Variants in SIK3 observed in about 807,000 individuals in gnomAD.
The protein encoded by SIK3 is serine/threonine-protein kinase SIK3.
Under a neutral mutation model 144.2 loss-of-function variants are expected in SIK3, and 28 were observed. That is an observed-to-expected ratio of 0.19 (90% confidence interval 0.14 to 0.27). The LOEUF (loss-of-function observed/expected upper bound fraction) is 0.27. SIK3 is among the 10% of genes least tolerant of loss of function. The pLI is 1.00. For synonymous variants in SIK3, 686 were observed against 676.3 expected, an observed-to-expected ratio of 1.01 and a Z score of -0.22; for missense variants, 1,319 against 1,776.0, an observed-to-expected ratio of 0.74 and a Z score of 4.62.
At chr11:116,863,579 A>C in intron 16 of SIK3, 89 bp downstream of exon 16, 1 of 1,559,986 alleles carries the variant, frequency 6.4e-7, no homozygotes, top group Non-Finnish European at 8.8e-7. Flanking sequence ...GCTGACATAA[A>C]AGGGGTACGT....
intron 1 of SIK3, among the ~76,000 whole-genome samples, chr11:116,967,392 T>C (rs986284092): frequency 6.6e-6 from 1 of 152,236 alleles, no homozygotes; most frequent in African/African-American, 2.4e-5. Context: ...ATTTATTATA[T>C]TGGGTATCTT....
In SIK3 at chr11:116,897,178, A is replaced by C; in HGVS notation, c.741+15T>G. 1 of 1,613,068 alleles carries C rather than the reference A, an allele frequency of 6.2e-7. No individual in the cohort carries two copies. The highest frequency in any genetic ancestry group is 1.1e-5 in the South Asian group (1 of 90,860). On this transcript the variant is annotated intron_variant, in intron 5 of 24. Transcript: ENST00000445177. ...TAGCTAATGCTGTGGGGTATAAGAGAAGGCAGTTACTTACCCAGATGTCCA... is the reference window on the plus strand; with the variant it reads ...TAGCTAATGCTGTGGGGTATAAGAGCAGGCAGTTACTTACCCAGATGTCCA...
At chr11:117,042,866 C>G (rs1180120513) in intron 1 of SIK3, among the ~76,000 whole-genome samples, 2 of 152,150 alleles carry the variant, frequency 1.3e-5, no homozygotes, top group Non-Finnish European at 2.9e-5. Flanking sequence ...TAGTAGCCGC[C>G]AAATTCTATA....
intron 1 of SIK3, among the ~76,000 whole-genome samples, chr11:117,057,526 G>A (rs1045111058): frequency 2.0e-5 from 3 of 152,166 alleles, no homozygotes; most frequent in Non-Finnish European, 4.4e-5. Flanking sequence ...CTCGGTCACA[G>A]ACTACTCCAT....
chr11:116,986,058 C>CA (rs1052828632), intron 1 of SIK3, among the ~76,000 whole-genome samples: 6 of 151,582 alleles, frequency 4.0e-5, no homozygotes, highest in East Asian at 1.9e-4. Context: ...ATTCTGGTGG[C>CA]AAAAAAAAGT....
At chr11:117,091,183 C>T (rs1300263704) in intron 1 of SIK3, among the ~76,000 whole-genome samples, 1 of 149,250 alleles carries the variant, frequency 6.7e-6, no homozygotes, top group East Asian at 1.9e-4. Context: ...TCCGTAAAAT[C>T]CTGAGGTTTT....
intron 4 of SIK3, among the ~76,000 whole-genome samples, chr11:116,903,285 A>G (rs1945832527): frequency 6.6e-6 from 1 of 152,228 alleles, no homozygotes; most frequent in South Asian, 2.1e-4. Flanking sequence ...ACTGGAAAGA[A>G]AAATACAGTT....
intron 4 of SIK3, among the ~76,000 whole-genome samples, chr11:116,926,476 C>G (rs1054326424): frequency 1.3e-5 from 2 of 152,166 alleles, no homozygotes; most frequent in African/African-American, 4.8e-5. Flanking sequence ...CTATAAGCCA[C>G]TCTAAGATCT....
In SIK3 at chr11:116,846,841, C is replaced by G. The variant is rs1480287981; in HGVS notation, c.3953-288G>C. On this transcript the variant is annotated intron_variant, in intron 23 of 24. Transcript: ENST00000445177. The surrounding 1 kb of genome is among the most constrained non-coding windows in gnomAD (Gnocchi z 4.1). Reference sequence around the variant, plus strand: ...GTAGTGTGAGAGAAGATAGAGGACTCCTTCAGAAAGGATCACCTCTTAAAG... The same window carrying G: ...GTAGTGTGAGAGAAGATAGAGGACTGCTTCAGAAAGGATCACCTCTTAAAG... Among the ~76,000 whole-genome samples, 1 of 152,190 alleles carries G rather than the reference C, an allele frequency of 6.6e-6. No homozygotes were observed. The highest frequency in any genetic ancestry group is 2.4e-5 in the African/African-American group (1 of 41,438).
chr11:116,847,120 C>T (rs530644326), intron 23 of SIK3, among the ~76,000 whole-genome samples: 15 of 152,320 alleles, frequency 9.8e-5, no homozygotes, highest in Non-Finnish European at 2.1e-4. Flanking sequence ...CCAAGGCCTA[C>T]GCCTATTATT....
chr11:117,096,251 A>G (rs1955466367), intron 1 of SIK3, among the ~76,000 whole-genome samples: 1 of 152,212 alleles, frequency 6.6e-6, no homozygotes, highest in South Asian at 2.1e-4. Context: ...ATTTTGGTGT[A>G]TCCAAGGGCT....
rs765063712 is a variant in SIK3 at position 116,867,875 on chromosome 11, T to C, written c.1952+71A>G. 8.5e-6 allele frequency: 12 copies of C among 1,409,956 alleles called. No homozygotes were observed. Among genetic ancestry groups the C allele is most frequent in the South Asian group, 7.5e-5 (5 of 66,696 alleles). The allele number at this position is 1,409,956 out of a possible 1,614,324, so 87.3% of individuals were successfully genotyped here. On this transcript the variant is annotated intron_variant, in intron 15 of 24. Transcript: ENST00000445177. This position sits in a 1 kb window ranked among gnomAD's most constrained non-coding sequence, Gnocchi z 4.1. ...AAGCCACGATGCTAGTCACCGTCGC[T>C]GTGAGACTAATCAGAAGGGTGCCTG...
At chr11:117,062,449 G>C (rs1953837597) in intron 1 of SIK3, among the ~76,000 whole-genome samples, 1 of 152,062 alleles carries the variant, frequency 6.6e-6, no homozygotes, top group South Asian at 2.1e-4. Context: ...TTCCAGTTTA[G>C]TTTCAACAAT....
At position 117,042,963 on chromosome 11, in the gene SIK3, C is replaced by T. The variant is rs1440303205; in HGVS notation, c.273+55180G>A. 3.3e-5 allele frequency among the ~76,000 whole-genome samples: 5 copies of T among 152,186 alleles called. No individual in the cohort carries two copies. In the East Asian group the frequency reaches 9.6e-4, roughly 29 times the overall value. Reference sequence around the variant, plus strand: ...ATTATGTATTGTGCAACAATGATATCTGTTGAACCAATAAAATCAAAAGCT... The same window carrying T: ...ATTATGTATTGTGCAACAATGATATTTGTTGAACCAATAAAATCAAAAGCT... On this transcript the variant is annotated intron_variant, in intron 1 of 24. Transcript: ENST00000445177.
At chr11:116,970,218 A>C (rs1056287303) in intron 1 of SIK3, among the ~76,000 whole-genome samples, 1 of 152,192 alleles carries the variant, frequency 6.6e-6, no homozygotes, top group Non-Finnish European at 1.5e-5. Flanking sequence ...TCAAGGCTGC[A>C]GTGAGTTGTG....
At chr11:117,044,831 T>C (rs1952889336) in intron 1 of SIK3, among the ~76,000 whole-genome samples, 1 of 152,062 alleles carries the variant, frequency 6.6e-6, no homozygotes, top group African/African-American at 2.4e-5. Context: ...TGCAGTGAGC[T>C]AGGATTGCGT....
At chr11:117,067,847 C>T (rs942468051) in intron 1 of SIK3, among the ~76,000 whole-genome samples, 2 of 151,950 alleles carry the variant, frequency 1.3e-5, no homozygotes, top group African/African-American at 4.8e-5. Context: ...ATTAGCTGGG[C>T]ATGGTGACAG....
chr11:116,965,755 A>AACATGGTGAAAACCCGTCTCTGC (rs1949511993), intron 1 of SIK3, among the ~76,000 whole-genome samples: 3 of 12,176 alleles, frequency 2.5e-4, no homozygotes, highest in African/African-American at 5.8e-4. Flanking sequence ...ATATATATAT[A>AACATGGTGAAAACCCGTCTCTGC]TATATATATA....
intron 1 of SIK3, among the ~76,000 whole-genome samples, chr11:117,040,862 C>A (rs925659564): frequency 6.6e-6 from 1 of 150,930 alleles, no homozygotes; most frequent in Admixed American, 6.6e-5. Flanking sequence ...GTATACAACA[C>A]AATGTTTTTA....
Sources: gnomAD v4.1 joint callset for allele counts (sites outside exome capture counted in the v4.1 genomes callset) on GRCh38, gnomAD v4.1.1 for gene constraint, Gnocchi (gnomAD v3.1) non-coding constraint, MANE v1.5 for transcripts, NCBI Gene and HGNC (gene_info 2026-07-23, HGNC 2026-07-21) for gene names.